The following LOC128462377 variants were observed in gnomAD, a reference collection of about 807,000 sequenced individuals.
chr16:89,388,511 C>A, the LOC128462377 span, among the ~76,000 whole-genome samples: 1 of 151,826 alleles, frequency 6.6e-6, no homozygotes. Context: ...GTGGTGCTGT[C>A]GAACGCACAC....
the LOC128462377 span, among the ~76,000 whole-genome samples, chr16:89,384,907 T>TTTTTTTTTTTTTTTTA: frequency 1.2e-5 from 1 of 85,708 alleles, no homozygotes; most frequent in East Asian, 4.1e-4. Context: ...TTTTTTTTTT[T>TTTTTTTTTTTTTTTTA]GAGACTACGT....
chr16:89,341,408 C>T, the LOC128462377 span, among the ~76,000 whole-genome samples: 1 of 152,176 alleles, frequency 6.6e-6, no homozygotes, highest in South Asian at 2.1e-4. Context: ...GGATAAGGCC[C>T]CAACGTGAAC....
At chr16:89,379,025 C>A in the LOC128462377 span, among the ~76,000 whole-genome samples, 1 of 152,206 alleles carries the variant, frequency 6.6e-6, no homozygotes, top group Admixed American at 6.5e-5. Flanking sequence ...GTAGACAAGC[C>A]GGGCTGAGGC....
At chr16:89,401,903 A>C in the LOC128462377 span, among the ~76,000 whole-genome samples, 20 of 125,094 alleles carry the variant, frequency 1.6e-4, no homozygotes, top group South Asian at 2.9e-4. Context: ...AGACTCCCCC[A>C]TCCCCCAGAA....
At chr16:89,369,304 T>A in the LOC128462377 span, among the ~76,000 whole-genome samples, 1 of 152,304 alleles carries the variant, frequency 6.6e-6, no homozygotes, top group East Asian at 1.9e-4. Context: ...CTCGCAGGTC[T>A]GTGTTCACAG....
At chr16:89,326,675 G>A in the LOC128462377 span, among the ~76,000 whole-genome samples, 1 of 152,168 alleles carries the variant, frequency 6.6e-6, no homozygotes, top group African/African-American at 2.4e-5. Flanking sequence ...CCAGGAGGTC[G>A]AGGCTGCAGT....
chr16:89,416,506 C>A, the LOC128462377 span, among the ~76,000 whole-genome samples: 1 of 152,162 alleles, frequency 6.6e-6, no homozygotes, highest in Non-Finnish European at 1.5e-5. Flanking sequence ...ACCATGTTGG[C>A]AGGCTGGTCT....
the LOC128462377 span, chr16:89,320,058 C>G: frequency 3.3e-5 from 5 of 152,316 alleles, no homozygotes; most frequent in Non-Finnish European, 7.3e-5. Context: ...AGGGGCTGCA[C>G]GGCACTCAGG....
At chr16:89,364,842 C>A in the LOC128462377 span, among the ~76,000 whole-genome samples, 1 of 152,344 alleles carries the variant, frequency 6.6e-6, no homozygotes, top group Non-Finnish European at 1.5e-5. Context: ...CACGGCCAAC[C>A]TGATCCCACT....
At chr16:89,358,487 A>AGTTGAGAAGATGGATACCCC in the LOC128462377 span, among the ~76,000 whole-genome samples, 1 of 152,268 alleles carries the variant, frequency 6.6e-6, no homozygotes, top group Non-Finnish European at 1.5e-5. Flanking sequence ...AAGGATAACT[A>AGTTGAGAAGATGGATACCCC]GTTGAGAAGA....
At chr16:89,322,736 G>A in the LOC128462377 span, among the ~76,000 whole-genome samples, 2 of 152,268 alleles carry the variant, frequency 1.3e-5, no homozygotes, top group Admixed American at 6.5e-5. Flanking sequence ...GTGGCACCAG[G>A]GGCTTGCTCC....
At chr16:89,337,007 C>CAAAAAAAAAAAAAA in the LOC128462377 span, among the ~76,000 whole-genome samples, 1 of 47,730 alleles carries the variant, frequency 2.1e-5, no homozygotes. Context: ...CTGGCTCTAC[C>CAAAAAAAAAAAAAA]AAAAAAAAAA....
chr16:89,323,302 C>A, the LOC128462377 span: 1 of 1,288,910 alleles, frequency 7.8e-7, no homozygotes, highest in South Asian at 1.2e-5. Context: ...GAGTGACACA[C>A]CCTATGACCC....
the LOC128462377 span, among the ~76,000 whole-genome samples, chr16:89,348,873 T>C: frequency 3.1e-5 from 4 of 130,416 alleles, no homozygotes; most frequent in East Asian, 8.6e-4. Flanking sequence ...TTATTGTCTT[T>C]AAAAAAAAAA....
chr16:89,375,047 G>A, the LOC128462377 span, among the ~76,000 whole-genome samples: 1 of 152,004 alleles, frequency 6.6e-6, no homozygotes, highest in Admixed American at 6.6e-5. Context: ...AATACTTACA[G>A]ACTGTACATG....
chr16:89,390,483 G>A, the LOC128462377 span, among the ~76,000 whole-genome samples: 7 of 152,310 alleles, frequency 4.6e-5, no homozygotes, highest in Admixed American at 2.0e-4. Context: ...AAAAAAATAC[G>A]TGAAGGAATA....
At chr16:89,322,510 G>C in the LOC128462377 span, among the ~76,000 whole-genome samples, 4 of 152,232 alleles carry the variant, frequency 2.6e-5, no homozygotes, top group Non-Finnish European at 5.9e-5. Flanking sequence ...AGAGGCCCAG[G>C]AGGAGGAAGA....
At chr16:89,325,081 A>G in the LOC128462377 span, 3 of 153,394 alleles carry the variant, frequency 2.0e-5, no homozygotes, top group East Asian at 5.8e-4. Flanking sequence ...TAGCCCAGCA[A>G]TGCCATTCTG....
At chr16:89,349,134 T>TAAAAAAAAAAAAAAAAA in the LOC128462377 span, among the ~76,000 whole-genome samples, 57 of 16,570 alleles carry the variant, frequency 3.4e-3, 4 homozygotes, top group African/African-American at 3.6e-3. Context: ...TCTCAAAAAG[T>TAAAAAAAAAAAAAAAAA]AAAAAAAAAA....
Sources: gnomAD v4.1 joint callset for allele counts (sites outside exome capture counted in the v4.1 genomes callset) on GRCh38, gnomAD v4.1.1 for gene constraint, MANE v1.5 for transcripts.